Variants in ZNF548 observed in about 807,000 individuals in gnomAD.
ZNF548 encodes the protein zinc finger protein 548.
ZNF548 carries 10 observed loss-of-function variants against 10.2 expected under a neutral mutation model. That is an observed-to-expected ratio of 0.98 (90% CI 0.60 to 1.66). The LOEUF is 1.66. Among genes scored for constraint, ZNF548 ranks in the 40% most tolerant of loss-of-function variants. The pLI is 0.00. For synonymous variants in ZNF548, 217 were observed against 223.5 expected, an observed-to-expected ratio of 0.97 and a Z score of 0.26; for missense variants, 599 against 657.0, an observed-to-expected ratio of 0.91 and a Z score of 0.97.
In ZNF548 at chr19:57,399,758, C is replaced by G. The variant is rs1404255847; in HGVS notation, c.1507C>G (p.His503Asp). The change falls in exon 4 of 4, where the codon CAC (histidine) becomes GAC (aspartate). Residue 503 changes from histidine (H) to aspartate (D), a missense_variant. Transcript: ENST00000336128. This position sits in a 1 kb window ranked among gnomAD's most constrained non-coding sequence, Gnocchi z 4.0. Reference protein sequence around the residue: ...ECQKAFIRKSHLVHHQKIHSE... With the variant: ...ECQKAFIRKSDLVHHQKIHSE... ...CCAGAAGGCCTTTATTAGAAAGTCT[C>G]ACCTGGTTCATCACCAGAAAATCCA... 1 of 1,614,084 alleles carries G rather than the reference C, an allele frequency of 6.2e-7. No individual in the cohort carries two copies.
rs576965235 is a variant in ZNF548 at position 57,391,929 on chromosome 19, C to T, written c.15+1815C>T. On this transcript the variant is annotated intron_variant, in intron 1 of 3. Transcript: ENST00000336128. ...TCTGCTGCCTCAGCCTCCCAAGTAG[C>T]TGGGATTACAGGTGCCCACCACCAC... Among the ~76,000 whole-genome samples, 611 of 151,738 alleles carry T rather than the reference C, an allele frequency of 4.0e-3. 4 individuals are homozygous for T. Among genetic ancestry groups the T allele is most frequent in the Non-Finnish European group, 5.9e-3 (401 of 67,946 alleles).
At chr19:57,396,725 G>A (rs572374045) in intron 2 of ZNF548, among the ~76,000 whole-genome samples, 5 of 152,314 alleles carry the variant, frequency 3.3e-5, no homozygotes, top group South Asian at 2.1e-4. Flanking sequence ...TTTAGTCCAC[G>A]GACGCTATTG....
At position 57,398,334 on chromosome 19, in the gene ZNF548, G is replaced by C. The variant is rs76674422; in HGVS notation, c.179-96G>C. On this transcript the variant is annotated intron_variant, in intron 3 of 3. Transcript: ENST00000336128. ...TGTCCATGATGTCCCCAATCCCATG[G>C]CCTTATTTGTGTGTGTGCCTGACAC... The C allele has an allele frequency of 4.9e-4, 755 of 1,554,360 alleles. 10 individuals are homozygous for C. In the East Asian group the frequency reaches 0.014, roughly 29 times the overall value.
intron 2 of ZNF548, among the ~76,000 whole-genome samples, chr19:57,394,789 A>G (rs2088653525): frequency 6.6e-6 from 1 of 152,188 alleles, no homozygotes; most frequent in African/African-American, 2.4e-5. Context: ...AAGAGTGGTC[A>G]TAGCTTCAGT....
At position 57,399,697 on chromosome 19, in the gene ZNF548, C is replaced by G. The variant is rs1568533532; in HGVS notation, c.1446C>G (p.Ile482Met). Residue 482 changes from isoleucine (I) to methionine (M), a missense_variant, in exon 4 of 4, where the codon ATC (isoleucine) becomes ATG (methionine). Coordinates refer to ENST00000336128, the MANE Select transcript of ZNF548 (RefSeq NM_001172773.2). This position sits in a 1 kb window ranked among gnomAD's most constrained non-coding sequence, Gnocchi z 4.0. ...ATATACTTGTTGAGCACCAGAAAAT[C>G]CACAGTGGAGAAAGACCTTATGAGT... ...HKHILVEHQK[I>M]HSGERPYECS... is the part of the protein sequence containing the mutation. 6.2e-7 allele frequency: 1 copy of G among 1,614,018 alleles called. No homozygotes were observed. Among genetic ancestry groups the G allele is most frequent in the Admixed American group, 1.7e-5 (1 of 60,014 alleles).
chr19:57,397,533 G>A lies in ZNF548; in HGVS notation c.178+359G>A, dbSNP rs574179695. ...CTGATATTTCTTGGTGCCTTCCTGT[G>A]CTTGGAATTTCAGGCACTGCCCTGG... On this transcript the variant is annotated intron_variant, in intron 3 of 3. Transcript: ENST00000336128. Among the ~76,000 whole-genome samples, 9 of 152,212 alleles carry A rather than the reference G, an allele frequency of 5.9e-5. No individual in the cohort carries two copies. In the South Asian group the frequency reaches 1.9e-3, roughly 32 times the overall value.
At position 57,400,147 on chromosome 19, in the gene ZNF548, C is replaced by A. The variant is rs1338293060; in HGVS notation, c.*258C>A. ...ATTCTACAGTATTTATCTTTTGAGA[C>A]TGGCTTATTTCACTTAGGATAAGGT... On this transcript the variant is annotated 3_prime_UTR_variant, in exon 4 of 4. Coordinates refer to ENST00000336128, the MANE Select transcript of ZNF548 (RefSeq NM_001172773.2). The A allele has an allele frequency of 7.8e-6, 3 of 383,456 alleles. No individual in the cohort carries two copies. Among genetic ancestry groups the A allele is most frequent in the Non-Finnish European group, 9.3e-6 (2 of 215,196 alleles). 23.8% of individuals were successfully genotyped at this position (383,456 alleles called of 1,614,324 possible).
rs748300181 is a variant in ZNF548 at position 57,399,923 on chromosome 19, C to A, written c.*34C>A. On this transcript the variant is annotated 3_prime_UTR_variant, in exon 4 of 4. Transcript: ENST00000336128. The surrounding 1 kb of genome is among the most constrained non-coding windows in gnomAD (Gnocchi z 4.0). Reference sequence around the variant, plus strand: ...ATTGGGTAGTAATGTTATATAAATTCCACATTTTTATGCAACTAATCTCCA... The same window carrying A: ...ATTGGGTAGTAATGTTATATAAATTACACATTTTTATGCAACTAATCTCCA... The A allele has an allele frequency of 6.8e-7, 1 of 1,473,262 alleles. No homozygotes were observed. The highest frequency in any genetic ancestry group is 1.3e-5 in the South Asian group (1 of 75,158). 91.3% of individuals were successfully genotyped at this position (1,473,262 alleles called of 1,614,324 possible). A position where few individuals can be genotyped will look rare whatever the true frequency, so the allele number is the denominator to read the frequency against.
In ZNF548 at chr19:57,397,044, G is replaced by T; in HGVS notation, c.52-4G>T. On this transcript the variant is annotated splice_polypyrimidine_tract_variant and splice_region_variant and intron_variant, in intron 2 of 3. Transcript: ENST00000336128. ...TTATGTATTCATCTTTCCCAATTTG[G>T]CAGGGCCGTGTGGTCTTTGAGGACG... 1.9e-6 allele frequency: 3 copies of T among 1,601,756 alleles called. No individual in the cohort carries two copies. Among genetic ancestry groups the T allele is most frequent in the African/African-American group, 1.3e-5 (1 of 74,126 alleles).
At chr19:57,397,771 C>T (rs1002855200) in intron 3 of ZNF548, among the ~76,000 whole-genome samples, 4 of 152,176 alleles carry the variant, frequency 2.6e-5, no homozygotes, top group Non-Finnish European at 5.9e-5. Context: ...AGGGACATGG[C>T]CCTGGTGCCT....
chr19:57,392,851 T>C (rs1652790583), intron 1 of ZNF548: 8 of 985,362 alleles, frequency 8.1e-6, no homozygotes, highest in Non-Finnish European at 9.6e-6. Flanking sequence ...GGCCAGACCA[T>C]TGGTGGCTCC....
rs369275987 is a variant in ZNF548 at position 57,400,428 on chromosome 19, A to ATT, written c.*550_*551dup. The stretch of plus-strand genomic sequence containing the variant: ...TGGTGCTGGATCATATAGGATTTCT[A>ATT]TTTTTTTTTTTTGTTTGTTTTTGAG... On this transcript the variant is annotated 3_prime_UTR_variant, in exon 4 of 4. Coordinates refer to ENST00000336128, the MANE Select transcript of ZNF548 (RefSeq NM_001172773.2). 1.4e-5 allele frequency: 2 copies of ATT among 145,974 alleles called. No homozygotes were observed. Among genetic ancestry groups the ATT allele is most frequent in the African/African-American group, 2.5e-5 (1 of 39,774 alleles). 9.0% of individuals were successfully genotyped at this position (145,974 alleles called of 1,614,324 possible).
In ZNF548 at chr19:57,399,192, T is replaced by G. The variant is rs2088692666; in HGVS notation, c.941T>G (p.Val314Gly). 1 of 1,612,534 alleles carries G rather than the reference T, an allele frequency of 6.2e-7. No individual in the cohort carries two copies. The highest frequency in any genetic ancestry group is 1.7e-5 in the Admixed American group (1 of 59,858). Residue 314 changes from valine (V) to glycine (G), a missense_variant, in exon 4 of 4, where the codon GTT (valine) becomes GGT (glycine). By Grantham distance (109) the Val-to-Gly change is moderately radical. Transcript: ENST00000336128. The surrounding 1 kb of genome is among the most constrained non-coding windows in gnomAD (Gnocchi z 4.0). ...TCCACATTTGTTAGACATCAGAGAG[T>G]TCACACCGGAGAAAGGCCGTATGAG... ...YSSTFVRHQR[V>G]HTGERPYECR...
rs2088704425 is a variant in ZNF548, at chr19:57,400,230, A to G, written c.*341A>G. On this transcript the variant is annotated 3_prime_UTR_variant, in exon 4 of 4. Coordinates refer to ENST00000336128, the MANE Select transcript of ZNF548 (RefSeq NM_001172773.2). ...AGAATATCCTTCCTTTTTAGGTGAAATAATATTCTATGGTATTTATATACC... is the reference window on the plus strand; with the variant it reads ...AGAATATCCTTCCTTTTTAGGTGAAGTAATATTCTATGGTATTTATATACC... The G allele has an allele frequency of 9.6e-6, 2 of 208,988 alleles. No homozygotes were observed. Among genetic ancestry groups the G allele is most frequent in the South Asian group, 2.4e-4 (2 of 8,232 alleles). 12.9% of individuals were successfully genotyped at this position (208,988 alleles called of 1,614,324 possible). A position where few individuals can be genotyped will look rare whatever the true frequency, so the allele number is the denominator to read the frequency against.
Position 57,398,643 on chromosome 19 carries a change from T to C in ZNF548, c.392T>C (p.Phe131Ser). 6.2e-7 allele frequency: 1 copy of C among 1,614,048 alleles called. No individual in the cohort carries two copies. The highest frequency in any genetic ancestry group is 8.5e-7 in the Non-Finnish European group (1 of 1,179,910). ...QHIYICEAEL[F>S]QHPKQQIGEN... Reference sequence around the variant, plus strand: ...ATATATATTTGTGAGGCAGAGCTTTTTCAGCACCCAAAGCAGCAAATTGGA... The same window carrying C: ...ATATATATTTGTGAGGCAGAGCTTTCTCAGCACCCAAAGCAGCAAATTGGA... The change falls in exon 4 of 4, where the codon TTT (phenylalanine) becomes TCT (serine). Residue 131 changes from phenylalanine to serine, a missense_variant. By Grantham distance (155) the Phe-to-Ser change is radical. Transcript: ENST00000336128.
chr19:57,399,781 CCA>C lies in ZNF548; in HGVS notation c.1533_1534del (p.His511GlnfsTer2). On this transcript the variant is annotated frameshift_variant, in exon 4 of 4. Coordinates refer to ENST00000336128, the MANE Select transcript of ZNF548 (RefSeq NM_001172773.2). LOFTEE classifies it low-confidence loss of function (END_TRUNC). The surrounding 1 kb of genome is among the most constrained non-coding windows in gnomAD (Gnocchi z 4.0). ...KSHLVHHQKI[H>X]SEERLVCSMN... ...CTCACCTGGTTCATCACCAGAAAAT[CCA>C]CAGTGAAGAGAGGCTTGTGTGCTCC... The C allele has an allele frequency of 2.5e-6, 4 of 1,614,104 alleles. No homozygotes were observed. Among genetic ancestry groups the C allele is most frequent in the Non-Finnish European group, 3.4e-6 (4 of 1,179,954 alleles).
Position 57,398,734 on chromosome 19 carries a change from A to G in ZNF548, c.483A>G (p.Ala161=), listed in dbSNP as rs754107689. Residue 161 remains alanine, a synonymous_variant, in exon 4 of 4, where the codon GCA becomes GCG. Coordinates refer to ENST00000336128, the MANE Select transcript of ZNF548 (RefSeq NM_001172773.2). Reference sequence around the variant, plus strand: ...GGAAGAACCACAGAGTTCACATGGCAGAGGAGATCTTCACATGCATGGAGG... The same window carrying G: ...GGAAGAACCACAGAGTTCACATGGCGGAGGAGATCTTCACATGCATGGAGG... ...SFGKNHRVHM[A]EEIFTCMEGW... 2 of 1,613,970 alleles carry G rather than the reference A, an allele frequency of 1.2e-6. No homozygotes were observed. Among genetic ancestry groups the G allele is most frequent in the South Asian group, 1.1e-5 (1 of 91,076 alleles).
In ZNF548 at chr19:57,398,833, G is replaced by C. The variant is rs761643751; in HGVS notation, c.582G>C (p.Arg194Ser). 2 of 1,613,974 alleles carry C rather than the reference G, an allele frequency of 1.2e-6. No individual in the cohort carries two copies. The highest frequency in any genetic ancestry group is 8.5e-7 in the Non-Finnish European group (1 of 1,179,896). ...QGPQSEWKPY[R>S]DTEDREAFQT... ...CTCAAAGCGAGTGGAAGCCATACAG[G>C]GACACAGAGGACAGAGAAGCCTTTC... is the stretch of plus-strand genomic sequence containing the variant. The change falls in exon 4 of 4, where the codon AGG becomes AGC. Residue 194 changes from arginine to serine, a missense_variant. Physicochemically the swap from Arg to Ser is moderately radical, Grantham distance 110 (BLOSUM62 -1). Transcript: ENST00000336128.
At chr19:57,397,837 G>GTC (rs967879192) in intron 3 of ZNF548, among the ~76,000 whole-genome samples, 6 of 152,164 alleles carry the variant, frequency 3.9e-5, no homozygotes, top group Admixed American at 3.9e-4. Flanking sequence ...CTGGGAACCT[G>GTC]TCCTGTGTTC....
Sources: gnomAD v4.1 joint callset for allele counts (sites outside exome capture counted in the v4.1 genomes callset) on GRCh38, gnomAD v4.1.1 for gene constraint, Gnocchi (gnomAD v3.1) non-coding constraint, MANE v1.5 for transcripts, NCBI Gene and HGNC (gene_info 2026-07-23, HGNC 2026-07-21) for gene names.